The following RORB variants were observed in gnomAD, a reference collection of about 807,000 sequenced individuals.
RORB encodes the protein RAR related orphan receptor B, also known as nuclear receptor ROR-beta.
RORB carries 6 observed loss-of-function variants against 59.1 expected under a neutral mutation model. The observed-to-expected ratio is 0.10, with a 90% CI of 0.06 to 0.20. The LOEUF (loss-of-function observed/expected upper bound fraction) is 0.20, where lower values mean the gene tolerates loss of function less well. RORB is among the 10% of genes least tolerant of loss of function. The pLI is 1.00. For synonymous variants in RORB, 215 were observed against 204.5 expected (o/e 1.05, Z -0.44); for missense variants, 320 against 560.5 (o/e 0.57, Z 4.33).
intron 1 of RORB, among the ~76,000 whole-genome samples, chr9:74,511,677 C>T (rs1177769730): frequency 6.7e-6 from 1 of 149,994 alleles, no homozygotes; most frequent in Non-Finnish European, 1.5e-5. Flanking sequence ...TAAGGCTATG[C>T]TTTATCTTTC....
At chr9:74,651,442 C>T (rs755787709) in intron 4 of RORB, among the ~76,000 whole-genome samples, 5 of 151,480 alleles carry the variant, frequency 3.3e-5, no homozygotes, top group Middle Eastern at 3.4e-3. Flanking sequence ...GGCTGAGGCA[C>T]GAGAATTGCT....
At chr9:74,580,771 T>A (rs144324903) in intron 1 of RORB, among the ~76,000 whole-genome samples, 1 of 152,310 alleles carries the variant, frequency 6.6e-6, no homozygotes, top group African/African-American at 2.4e-5. Flanking sequence ...TTTATAGTGA[T>A]GTCATCTTAC....
chr9:74,599,466 A>G (rs1257558661), intron 1 of RORB, among the ~76,000 whole-genome samples: 2 of 152,204 alleles, frequency 1.3e-5, no homozygotes, highest in South Asian at 2.1e-4. Context: ...TATGAGTGCT[A>G]TCTACTATCT....
chr9:74,626,637 C>A (rs1823521955), intron 1 of RORB, among the ~76,000 whole-genome samples: 2 of 152,130 alleles, frequency 1.3e-5, no homozygotes, highest in African/African-American at 4.8e-5. Context: ...CCTTCTATAA[C>A]CTTCATTGTA....
At chr9:74,562,319 T>G (rs1355477004) in intron 1 of RORB, among the ~76,000 whole-genome samples, 1 of 152,228 alleles carries the variant, frequency 6.6e-6, no homozygotes, top group African/African-American at 2.4e-5. Context: ...GGAGTAGGAA[T>G]TCAAATAAAA....
At position 74,689,449 on chromosome 9, in the gene RORB, G is replaced by T. The variant is rs1476365430; in HGVS notation, c.*3831G>T. On this transcript the variant is annotated 3_prime_UTR_variant, in exon 10 of 10. Coordinates refer to ENST00000376896, the MANE Select transcript of RORB (RefSeq NM_006914.4). ...CCAAAGACTGAAAGCTGAAGGTGGA[G>T]ATGTTCTCCACAAACATACCCTTTC... 1 of 152,212 alleles carries T rather than the reference G, an allele frequency of 6.6e-6. No homozygotes were observed. The highest frequency in any genetic ancestry group is 1.5e-5 in the Non-Finnish European group (1 of 68,072). The allele number at this position is 152,212 out of a possible 1,614,324, so 9.4% of individuals were successfully genotyped here.
intron 1 of RORB, among the ~76,000 whole-genome samples, chr9:74,533,635 A>G (rs1424885861): frequency 6.6e-6 from 1 of 152,042 alleles, no homozygotes; most frequent in Non-Finnish European, 1.5e-5. Flanking sequence ...GGTCAAGCTT[A>G]TTTAAATTGA....
rs1826021284 is a variant in RORB at position 74,517,103 on chromosome 9, C to T, written c.7+19120C>T. ...ATAGCTGAGTCTTTCCTCTCCCTCC[C>T]ACTAAAAAATATGCTTTCTATTAGA... On this transcript the variant is annotated intron_variant, in intron 1 of 9. Transcript: ENST00000376896. Among the ~76,000 whole-genome samples the T allele has an allele frequency of 2.0e-5, 3 of 151,926 alleles. No individual in the cohort carries two copies. The South Asian group carries it at 6.2e-4, about 31-fold the overall frequency.
At chr9:74,569,348 A>G (rs1183444838) in intron 1 of RORB, among the ~76,000 whole-genome samples, 4 of 152,070 alleles carry the variant, frequency 2.6e-5, no homozygotes, top group Admixed American at 2.6e-4. Flanking sequence ...GACATTGGGA[A>G]TGTAAATATA....
At position 74,538,727 on chromosome 9, in the gene RORB, GC is replaced by G. The variant is rs201349447; in HGVS notation, c.7+40745del. Among the ~76,000 whole-genome samples the G allele has an allele frequency of 3.3e-3, 267 of 81,408 alleles. 1 individual carries two copies. The highest frequency in any genetic ancestry group is 5.7e-3 in the East Asian group (9 of 1,582). The allele number at this position is 81,408 out of a possible 152,430, so 53.4% of individuals were successfully genotyped here. ...TTAGCTTACAGCAAAAGACAAAGAT[GC>G]AAAAAAAAAAAAACAGAATTAAAAG... On this transcript the variant is annotated intron_variant, in intron 1 of 9. Coordinates refer to ENST00000376896, the MANE Select transcript of RORB (RefSeq NM_006914.4).
intron 1 of RORB, among the ~76,000 whole-genome samples, chr9:74,614,453 C>T (rs576001471): frequency 1.3e-5 from 2 of 151,998 alleles, no homozygotes; most frequent in African/African-American, 4.8e-5. Flanking sequence ...ATTATAGTTG[C>T]TCTTGGCACA....
intron 1 of RORB, among the ~76,000 whole-genome samples, chr9:74,516,387 G>T (rs1018105227): frequency 2.0e-5 from 3 of 151,956 alleles, no homozygotes; most frequent in Non-Finnish European, 4.4e-5. Context: ...TATAATATAT[G>T]TATAATTACC....
chr9:74,658,296 G>T (rs994835530), intron 4 of RORB, among the ~76,000 whole-genome samples: 1 of 152,164 alleles, frequency 6.6e-6, no homozygotes. Context: ...TGAGGACATG[G>T]TTGGCAGGGA....
At chr9:74,671,212 A>G (rs1824340524) in intron 8 of RORB, among the ~76,000 whole-genome samples, 1 of 151,974 alleles carries the variant, frequency 6.6e-6, no homozygotes, top group South Asian at 2.1e-4. Context: ...GGGAGGGAGA[A>G]ACAGATGAAG....
At chr9:74,662,771 TACTC>T (rs1824209733) in intron 6 of RORB, among the ~76,000 whole-genome samples, 165 bp downstream of exon 6, 1 of 152,172 alleles carries the variant, frequency 6.6e-6, no homozygotes. Context: ...AATGCCCTGA[TACTC>T]ATTCAGTTCC....
chr9:74,523,156 T>G (rs541144953), intron 1 of RORB, among the ~76,000 whole-genome samples: 34 of 151,922 alleles, frequency 2.2e-4, no homozygotes, highest in South Asian at 1.0e-3. Context: ...TTCTTACAAG[T>G]CTGTTTGTTT....
rs186413201 is a variant in RORB at position 74,576,040 on chromosome 9, A to G, written c.8-54242A>G. On this transcript the variant is annotated intron_variant, in intron 1 of 9. Coordinates refer to ENST00000376896, the MANE Select transcript of RORB (RefSeq NM_006914.4). ...TGTGTTTCCAGAGAAATGAAAAGTA[A>G]AGGTAATTGTGGATGTTCAATAAAT... is the stretch of plus-strand genomic sequence containing the variant. Among the ~76,000 whole-genome samples, 8 of 152,274 alleles carry G rather than the reference A, an allele frequency of 5.3e-5. No homozygotes were observed. In the East Asian group the frequency reaches 1.5e-3, roughly 29 times the overall value.
At chr9:74,562,248 G>A (rs566312182) in intron 1 of RORB, among the ~76,000 whole-genome samples, 8 of 152,204 alleles carry the variant, frequency 5.3e-5, no homozygotes, top group East Asian at 1.9e-4. Context: ...ATGTAACTCC[G>A]TATCTAACCT....
Position 74,615,868 on chromosome 9 carries a change from T to G in RORB, c.8-14414T>G, listed in dbSNP as rs1006017163. Among the ~76,000 whole-genome samples the G allele has an allele frequency of 3.3e-5, 5 of 152,192 alleles. 1 individual carries two copies. In the South Asian group the frequency reaches 1.0e-3, roughly 31 times the overall value. On this transcript the variant is annotated intron_variant, in intron 1 of 9. Transcript: ENST00000376896. The stretch of plus-strand genomic sequence containing the variant: ...AATACTGTCATATCCTGGAGTGAAC[T>G]ACCAAATGCATAAGTTTCAAGATTA...
Sources: gnomAD v4.1 joint callset for allele counts (sites outside exome capture counted in the v4.1 genomes callset) on GRCh38, gnomAD v4.1.1 for gene constraint, MANE v1.5 for transcripts, NCBI Gene and HGNC (gene_info 2026-07-23, HGNC 2026-07-21) for gene names.